Variants in ORC2 observed in about 807,000 individuals in gnomAD.
ORC2 encodes origin recognition complex subunit 2.
In ORC2, 37 loss-of-function variants were observed where a neutral mutation model predicts 77.7. The ratio of observed to expected loss-of-function variants is 0.48; its 90% CI spans 0.37 to 0.63. The LOEUF is 0.63. ORC2 is among the 20% of genes least tolerant of loss of function. The pLI is 0.00. For missense variants in ORC2, 557 were observed against 661.9 expected, an observed-to-expected ratio of 0.84 and a Z score of 1.74; for synonymous variants, 201 against 229.5, an observed-to-expected ratio of 0.88 and a Z score of 1.12.
rs748688404 is a variant in ORC2 at position 200,941,233 on chromosome 2, T to C, written c.453+15A>G. On this transcript the variant is annotated intron_variant, in intron 7 of 17. Coordinates refer to ENST00000234296, the MANE Select transcript of ORC2 (RefSeq NM_006190.5). The stretch of plus-strand genomic sequence containing the variant: ...TTGTAACACTAAGGCTTTTGCTTTT[T>C]AGTCAATTGCTTACCTTCGGTTGAA... The C allele has an allele frequency of 1.9e-6, 3 of 1,606,366 alleles. No individual in the cohort carries two copies. Among genetic ancestry groups the C allele is most frequent in the Admixed American group, 1.7e-5 (1 of 59,826 alleles).
In ORC2 at chr2:200,909,934, T is replaced by A. The variant is rs531964909; in HGVS notation, c.*1367A>T. 1 of 152,202 alleles carries A rather than the reference T, an allele frequency of 6.6e-6. No individual in the cohort carries two copies. The highest frequency in any genetic ancestry group is 1.9e-4 in the East Asian group (1 of 5,170). 9.4% of individuals were successfully genotyped at this position (152,202 alleles called of 1,614,324 possible). Reference sequence around the variant, plus strand: ...GGGCCACCATGCCCGGATGATTTTTTAAATTTTTTGTAGAGACAAGGTCTC... The same window carrying A: ...GGGCCACCATGCCCGGATGATTTTTAAAATTTTTTGTAGAGACAAGGTCTC... On this transcript the variant is annotated 3_prime_UTR_variant, in exon 18 of 18. Transcript: ENST00000234296.
At chr2:200,932,697 T>G (rs2040965342) in intron 10 of ORC2, among the ~76,000 whole-genome samples, 1 of 152,170 alleles carries the variant, frequency 6.6e-6, no homozygotes, top group Non-Finnish European at 1.5e-5. Flanking sequence ...AATATCCAGC[T>G]GTACTAGAAT....
intron 10 of ORC2, 128 bp from the exon 11 acceptor site, chr2:200,931,576 T>C (rs944262089): frequency 6.0e-6 from 3 of 497,852 alleles, no homozygotes; most frequent in Non-Finnish European, 1.1e-5. Flanking sequence ...TTAATCTGGT[T>C]TGGCAATGAG....
intron 9 of ORC2, 71 bp from the exon 10 acceptor site, chr2:200,934,045 T>C: frequency 1.4e-6 from 1 of 740,518 alleles, no homozygotes; most frequent in Non-Finnish European, 2.3e-6. Flanking sequence ...TAGACAGTAA[T>C]ATTAATGTAA....
chr2:200,952,844 C>A (rs2041387179), intron 4 of ORC2, among the ~76,000 whole-genome samples: 1 of 151,180 alleles, frequency 6.6e-6, no homozygotes, highest in Admixed American at 6.6e-5. Context: ...GGCATAATTG[C>A]TTACACCTCT....
At chr2:200,937,838 C>G in intron 8 of ORC2, 68 bp downstream of exon 8, 2 of 1,043,204 alleles carry the variant, frequency 1.9e-6, no homozygotes, top group Non-Finnish European at 2.9e-6. Context: ...AACCTATATA[C>G]TTAACTATTA....
At position 200,945,005 on chromosome 2, in the gene ORC2, C is replaced by T. The variant is rs148288493; in HGVS notation, c.329-2228G>A. The stretch of plus-strand genomic sequence containing the variant: ...GCTTTATGTAGCCACACCATCCATA[C>T]GTATTGTCTGTGGCTGCTTTTCAGC... On this transcript the variant is annotated intron_variant, in intron 5 of 17. Transcript: ENST00000234296. 3.8e-3 allele frequency among the ~76,000 whole-genome samples: 573 copies of T among 152,294 alleles called. 6 individuals are homozygous for T. Among genetic ancestry groups the T allele is most frequent in the South Asian group, 0.014 (66 of 4,824 alleles).
chr2:200,914,005 A>AAC lies in ORC2; in HGVS notation c.1467-14_1467-13insGT. Reference sequence around the variant, plus strand: ...CCTGAAAATTCCCCTAAAAAAAAAAAAAAACAGGAATTTAAATCCAAAAAT... The same window carrying AAC: ...CCTGAAAATTCCCCTAAAAAAAAAAAACAAAACAGGAATTTAAATCCAAAAAT... On this transcript the variant is annotated splice_polypyrimidine_tract_variant and intron_variant, in intron 15 of 17. Transcript: ENST00000234296. 6.5e-7 allele frequency: 1 copy of AAC among 1,530,014 alleles called. No individual in the cohort carries two copies. Among genetic ancestry groups the AAC allele is most frequent in the Non-Finnish European group, 8.9e-7 (1 of 1,123,108 alleles). The allele number at this position is 1,530,014 out of a possible 1,614,324, so 94.8% of individuals were successfully genotyped here.
chr2:200,931,722 G>A (rs2124975948), intron 10 of ORC2, among the ~76,000 whole-genome samples: 1 of 152,262 alleles, frequency 6.6e-6, no homozygotes, highest in South Asian at 2.1e-4. Flanking sequence ...TAAACTCCAA[G>A]AATAGGCTTT....
chr2:200,913,539 T>C lies in ORC2; in HGVS notation c.1529-126A>G, dbSNP rs2040587788. ...GTTATCCCAGAGCAGTGAACAAGTA[T>C]TGATAGGACTTTTAAAGAAGGAACA... On this transcript the variant is annotated intron_variant, in intron 16 of 17. Transcript: ENST00000234296. 2.9e-6 allele frequency: 4 copies of C among 1,367,208 alleles called. No homozygotes were observed. In the South Asian group the frequency reaches 6.7e-5, roughly 23 times the overall value. 84.7% of individuals were successfully genotyped at this position (1,367,208 alleles called of 1,614,324 possible). A position where few individuals can be genotyped will look rare whatever the true frequency, so the allele number is the denominator to read the frequency against.
At chr2:200,953,672 A>C (rs1191660694) in intron 4 of ORC2, among the ~76,000 whole-genome samples, 1 of 152,218 alleles carries the variant, frequency 6.6e-6, no homozygotes, top group Non-Finnish European at 1.5e-5. Context: ...AATACCCAAA[A>C]GGTTGAAGCA....
intron 5 of ORC2, among the ~76,000 whole-genome samples, chr2:200,947,095 T>A (rs1030143790): frequency 1.4e-4 from 21 of 151,996 alleles, no homozygotes; most frequent in Non-Finnish European, 7.4e-5. Flanking sequence ...TAGAGCTGGG[T>A]TTCACCATGT....
intron 9 of ORC2, among the ~76,000 whole-genome samples, chr2:200,935,322 C>T (rs941546796): frequency 6.6e-6 from 1 of 152,122 alleles, no homozygotes; most frequent in Non-Finnish European, 1.5e-5. Flanking sequence ...AGGGTTTCAC[C>T]ATGTTGGCCA....
At chr2:200,925,964 T>A in intron 12 of ORC2, 32 bp from the exon 13 acceptor site, 1 of 951,180 alleles carries the variant, frequency 1.1e-6, no homozygotes, top group Non-Finnish European at 1.6e-6. Flanking sequence ...GGTACCACAT[T>A]AATTACAATT....
At chr2:200,929,983 G>C (rs769112059) in intron 11 of ORC2, among the ~76,000 whole-genome samples, 1 of 152,032 alleles carries the variant, frequency 6.6e-6, no homozygotes, top group Non-Finnish European at 1.5e-5. Flanking sequence ...TATACATTCA[G>C]ATATCCAGGT....
At chr2:200,926,002 AC>A in intron 12 of ORC2, 70 bp from the exon 13 acceptor site, 1 of 637,794 alleles carries the variant, frequency 1.6e-6, no homozygotes, top group East Asian at 2.9e-5. Flanking sequence ...AGAAAATCAA[AC>A]CTTTTTTTAT....
Position 200,963,528 on chromosome 2 carries a change from G to A in ORC2, c.-98C>T, listed in dbSNP as rs2041622461. ...TCTGGCGCCGATCCGGCTGCGTCAC[G>A]CCGGCCGAACGACACCCCGCTGAGT... On this transcript the variant is annotated 5_prime_UTR_variant, in exon 1 of 18. Coordinates refer to ENST00000234296, the MANE Select transcript of ORC2 (RefSeq NM_006190.5). The A allele has an allele frequency of 2.5e-6, 1 of 398,582 alleles. No homozygotes were observed. Among genetic ancestry groups the A allele is most frequent in the Non-Finnish European group, 4.4e-6 (1 of 226,010 alleles). The allele number at this position is 398,582 out of a possible 1,614,324, so 24.7% of individuals were successfully genotyped here.
Position 200,963,570 on chromosome 2 carries a change from G to C in ORC2, c.-140C>G. On this transcript the variant is annotated 5_prime_UTR_variant, in exon 1 of 18. Transcript: ENST00000234296. The stretch of plus-strand genomic sequence containing the variant: ...CCGCTGAGTCGCCGCCGCAGGGAAG[G>C]TACCTTCGGCCCCAACGGGAAAAGC... 5.0e-6 allele frequency: 2 copies of C among 398,604 alleles called. No individual in the cohort carries two copies. The highest frequency in any genetic ancestry group is 8.8e-6 in the Non-Finnish European group (2 of 226,026). The allele number at this position is 398,604 out of a possible 1,614,324, so 24.7% of individuals were successfully genotyped here. A position where few individuals can be genotyped will look rare whatever the true frequency, so the allele number is the denominator to read the frequency against.
intron 9 of ORC2, among the ~76,000 whole-genome samples, chr2:200,935,192 G>A (rs967556433): frequency 2.0e-5 from 3 of 152,036 alleles, no homozygotes; most frequent in African/African-American, 7.2e-5. Context: ...GCATGATCTC[G>A]GCTCACTACA....
Sources: allele counts gnomAD v4.1 joint callset (sites outside exome capture counted in the v4.1 genomes callset), GRCh38; gene constraint gnomAD v4.1.1; transcripts MANE v1.5; gene names NCBI Gene and HGNC (gene_info 2026-07-23, HGNC 2026-07-21).